The following GTF2E2 variants were observed in gnomAD, a reference collection of about 807,000 sequenced individuals.
The protein encoded by GTF2E2 is general transcription factor IIE subunit 2.
Under a neutral mutation model 40.5 loss-of-function variants are expected in GTF2E2, and 21 were observed. The ratio of observed to expected loss-of-function variants is 0.52; its 90% CI spans 0.37 to 0.75. The LOEUF is 0.75. GTF2E2 is among the 30% of genes least tolerant of loss of function. GTF2E2 has a pLI of 0.00. For synonymous variants in GTF2E2, 117 were observed against 121.6 expected (o/e 0.96, Z 0.25); for missense variants, 298 against 338.4 (o/e 0.88, Z 0.94).
intron 5 of GTF2E2, among the ~76,000 whole-genome samples, chr8:30,607,849 A>G (rs930517992): frequency 1.3e-5 from 2 of 152,172 alleles, no homozygotes; most frequent in South Asian, 2.1e-4. Context: ...AATTATTTCC[A>G]ATTGTGCTTT....
At chr8:30,615,726 C>T (rs1800901980) in intron 3 of GTF2E2, among the ~76,000 whole-genome samples, 1 of 152,148 alleles carries the variant, frequency 6.6e-6, no homozygotes. Flanking sequence ...GGTGAGTATG[C>T]TAAATGGTAC....
chr8:30,631,839 T>TA (rs1801445110), intron 3 of GTF2E2, among the ~76,000 whole-genome samples: 2 of 152,316 alleles, frequency 1.3e-5, no homozygotes, highest in African/African-American at 4.8e-5. Context: ...CTCACGCCTG[T>TA]AATCCCAGCA....
intron 2 of GTF2E2, among the ~76,000 whole-genome samples, chr8:30,643,988 A>G (rs1054584791): frequency 6.6e-6 from 1 of 152,250 alleles, no homozygotes; most frequent in Non-Finnish European, 1.5e-5. Context: ...AAGGAAAAGC[A>G]TACAGAATGA....
chr8:30,587,836 C>T (rs1055613721), intron 6 of GTF2E2, among the ~76,000 whole-genome samples: 1 of 140,692 alleles, frequency 7.1e-6, no homozygotes, highest in African/African-American at 2.7e-5. Context: ...CGCACCACTG[C>T]ACTCCAGCCT....
rs554860686 is a variant in GTF2E2, at chr8:30,623,942, T to G, written c.259-9227A>C. ...TGTCAGATGAGTAGATTGGAAAAAT[T>G]TTCTCCCATTCTGTAGGTTGCCTGT... On this transcript the variant is annotated intron_variant, in intron 3 of 7. Transcript: ENST00000355904. Among the ~76,000 whole-genome samples, 116 of 152,210 alleles carry G rather than the reference T, an allele frequency of 7.6e-4. 1 individual carries two copies. Among genetic ancestry groups the G allele is most frequent in the South Asian group, 2.5e-3 (12 of 4,834 alleles).
chr8:30,601,422 C>T (rs1393879735), intron 6 of GTF2E2, among the ~76,000 whole-genome samples: 1 of 152,174 alleles, frequency 6.6e-6, no homozygotes, highest in East Asian at 1.9e-4. Flanking sequence ...CTCCAGGTGA[C>T]ATTTGATAAT....
intron 5 of GTF2E2, among the ~76,000 whole-genome samples, chr8:30,611,182 G>A (rs1829465124): frequency 6.6e-6 from 1 of 152,154 alleles, no homozygotes; most frequent in South Asian, 2.1e-4. Flanking sequence ...ACAAGGTTTG[G>A]AGTAACTGCC....
intron 6 of GTF2E2, among the ~76,000 whole-genome samples, chr8:30,599,066 CACCCAATCAGTATTTATG>C: frequency 6.6e-6 from 1 of 152,288 alleles, no homozygotes; most frequent in South Asian, 2.1e-4. Flanking sequence ...CAACTAAAAA[CACCCAATCAGTATTTATG>C]AGGACATGAA....
intron 2 of GTF2E2, 37 bp downstream of exon 2, chr8:30,653,396 G>A (rs950684751): frequency 6.5e-7 from 1 of 1,539,574 alleles, no homozygotes; most frequent in Non-Finnish European, 8.9e-7. Flanking sequence ...TGAATAATCT[G>A]AATAAAAACC....
intron 6 of GTF2E2, among the ~76,000 whole-genome samples, chr8:30,596,471 T>C (rs903795503): frequency 1.3e-5 from 2 of 152,234 alleles, no homozygotes; most frequent in Admixed American, 6.5e-5. Flanking sequence ...TGTCTATCTC[T>C]CTGCTGAAAT....
chr8:30,625,440 G>A (rs1363995459), intron 3 of GTF2E2, among the ~76,000 whole-genome samples: 1 of 152,040 alleles, frequency 6.6e-6, no homozygotes, highest in Non-Finnish European at 1.5e-5. Flanking sequence ...ACAAGAAATC[G>A]TGATTTTAAA....
intron 2 of GTF2E2, chr8:30,638,764 T>C (rs1801697816): frequency 6.6e-6 from 1 of 152,410 alleles, no homozygotes; most frequent in South Asian, 2.1e-4. Context: ...AAGCAATGTA[T>C]TCGTTTCACC....
intron 3 of GTF2E2, among the ~76,000 whole-genome samples, chr8:30,624,189 T>A (rs943677076): frequency 8.5e-5 from 13 of 152,152 alleles, no homozygotes; most frequent in Non-Finnish European, 1.9e-4. Context: ...AATTTTTGTA[T>A]ACGGTGTAAG....
chr8:30,634,937 T>G (rs1056653239), intron 3 of GTF2E2, 95 bp downstream of exon 3: 2 of 649,478 alleles, frequency 3.1e-6, no homozygotes, highest in South Asian at 1.9e-5. Context: ...TTGATAAATT[T>G]TGATGTATAC....
intron 6 of GTF2E2, among the ~76,000 whole-genome samples, chr8:30,582,332 T>C (rs1828538833): frequency 6.6e-6 from 1 of 152,236 alleles, no homozygotes; most frequent in South Asian, 2.1e-4. Context: ...GCCTATATTT[T>C]TCTTTTTACA....
intron 3 of GTF2E2, among the ~76,000 whole-genome samples, chr8:30,631,888 C>T (rs1801446921): frequency 6.6e-6 from 1 of 151,992 alleles, no homozygotes; most frequent in East Asian, 1.9e-4. Context: ...TTGAGGGATC[C>T]CCTGAGCCCA....
At chr8:30,634,625 A>T (rs1801531918) in intron 3 of GTF2E2, among the ~76,000 whole-genome samples, 1 of 152,206 alleles carries the variant, frequency 6.6e-6, no homozygotes. Flanking sequence ...AGATGCAGAG[A>T]AGCCATCACC....
At chr8:30,657,826 C>G (rs1802491394) in intron 1 of GTF2E2, 147 bp downstream of exon 1, 1 of 152,246 alleles carries the variant, frequency 6.6e-6, no homozygotes, top group Non-Finnish European at 1.5e-5. Context: ...GGTTCGCGTG[C>G]TGGGTGTTTC....
intron 6 of GTF2E2, among the ~76,000 whole-genome samples, chr8:30,585,920 A>G (rs2151108146): frequency 6.6e-6 from 1 of 152,218 alleles, no homozygotes; most frequent in East Asian, 1.9e-4. Context: ...CACCATCTCA[A>G]AAATTTAAAA....
Sources: gnomAD v4.1 joint callset for allele counts (sites outside exome capture counted in the v4.1 genomes callset) on GRCh38, gnomAD v4.1.1 for gene constraint, MANE v1.5 for transcripts, NCBI Gene and HGNC (gene_info 2026-07-23, HGNC 2026-07-21) for gene names.